CNTNAP2: variants seen among roughly 807,000 people sequenced by gnomAD.
CNTNAP2 encodes contactin-associated protein-like 2.
Under a neutral mutation model 155.2 loss-of-function variants are expected in CNTNAP2, and 98 were observed. That is an observed-to-expected ratio of 0.63 (90% CI 0.54 to 0.75). The LOEUF (loss-of-function observed/expected upper bound fraction) is 0.75. CNTNAP2 is among the 30% of genes least tolerant of loss of function. The pLI, the probability that CNTNAP2 is intolerant of heterozygous loss-of-function variation, is 0.00. For missense variants in CNTNAP2, 1,727 were observed against 1,688.1 expected (o/e 1.02, Z -0.40); for synonymous variants, 651 against 631.2 (o/e 1.03, Z -0.47).
intron 9 of CNTNAP2, among the ~76,000 whole-genome samples, chr7:147,380,399 C>A (rs1796515941): frequency 6.6e-6 from 1 of 152,016 alleles, no homozygotes; most frequent in Admixed American, 6.6e-5. Context: ...GTAAAACCAT[C>A]TTATTTATAC....
At chr7:146,316,498 A>G (rs1193911459) in intron 1 of CNTNAP2, among the ~76,000 whole-genome samples, 1 of 152,086 alleles carries the variant, frequency 6.6e-6, no homozygotes, top group Admixed American at 6.6e-5. Context: ...AAAAGACTTA[A>G]ACCAAAACAT....
intron 11 of CNTNAP2, among the ~76,000 whole-genome samples, chr7:147,544,487 A>G (rs1022282138): frequency 6.6e-6 from 1 of 152,140 alleles, no homozygotes; most frequent in Non-Finnish European, 1.5e-5. Context: ...TCTGGCAAAA[A>G]TGAAAATTGT....
intron 15 of CNTNAP2, among the ~76,000 whole-genome samples, chr7:148,078,095 G>A (rs577990238): frequency 2.4e-4 from 36 of 151,466 alleles, no homozygotes; most frequent in African/African-American, 8.7e-4. Flanking sequence ...ACAGAATCTT[G>A]CTCTGTCACC....
chr7:147,126,080 C>T (rs777341392), intron 6 of CNTNAP2, among the ~76,000 whole-genome samples: 2 of 152,126 alleles, frequency 1.3e-5, no homozygotes. Context: ...TTCTTAGAAT[C>T]GCATACAGCC....
At chr7:146,682,646 C>T (rs1259179225) in intron 1 of CNTNAP2, among the ~76,000 whole-genome samples, 3 of 152,056 alleles carry the variant, frequency 2.0e-5, no homozygotes, top group African/African-American at 7.2e-5. Flanking sequence ...AGCAAAAGAT[C>T]TAATGTAACT....
At chr7:148,192,574 C>T (rs1795217167) in intron 18 of CNTNAP2, among the ~76,000 whole-genome samples, 2 of 151,612 alleles carry the variant, frequency 1.3e-5, no homozygotes, top group African/African-American at 4.8e-5. Flanking sequence ...TGCAGTGAGC[C>T]GAGATCACGC....
At chr7:148,136,158 GAAAT>G (rs1221367745) in intron 16 of CNTNAP2, among the ~76,000 whole-genome samples, 1 of 151,374 alleles carries the variant, frequency 6.6e-6, no homozygotes, top group Non-Finnish European at 1.5e-5. Context: ...AGGAAGGAAA[GAAAT>G]AAACAAACAA....
At chr7:148,327,284 G>A (rs913174274) in intron 21 of CNTNAP2, among the ~76,000 whole-genome samples, 6 of 152,134 alleles carry the variant, frequency 3.9e-5, no homozygotes, top group Admixed American at 6.5e-5. Flanking sequence ...GTGTAGCTCC[G>A]ACATGATGTA....
chr7:147,451,392 C>T (rs1400119906), intron 10 of CNTNAP2, among the ~76,000 whole-genome samples: 1 of 152,062 alleles, frequency 6.6e-6, no homozygotes, highest in Non-Finnish European at 1.5e-5. Flanking sequence ...CTTAAGGAAC[C>T]AAATTTGCAC....
chr7:146,922,405 CAA>C (rs1243943749), intron 3 of CNTNAP2, among the ~76,000 whole-genome samples: 1 of 151,920 alleles, frequency 6.6e-6, no homozygotes, highest in Non-Finnish European at 1.5e-5. Flanking sequence ...ATATACAATA[CAA>C]AAAAGTCCCC....
In CNTNAP2 at chr7:146,339,924, A is replaced by G. The variant is rs191643519; in HGVS notation, c.97+222951A>G. 1.8e-3 allele frequency among the ~76,000 whole-genome samples: 267 copies of G among 152,250 alleles called. 1 individual carries two copies. Among genetic ancestry groups the G allele is most frequent in the Non-Finnish European group, 3.2e-3 (216 of 68,024 alleles). On this transcript the variant is annotated intron_variant, in intron 1 of 23. Coordinates refer to ENST00000361727, the MANE Select transcript of CNTNAP2 (RefSeq NM_014141.6). Reference sequence around the variant, plus strand: ...GGTGGCTCACGCCTCTAATGCCAGCACTTTGGGAGGCCGAGGCGGGCGGAT... The same window carrying G: ...GGTGGCTCACGCCTCTAATGCCAGCGCTTTGGGAGGCCGAGGCGGGCGGAT...
chr7:146,136,625 G>T (rs988224651), intron 1 of CNTNAP2, among the ~76,000 whole-genome samples: 1 of 151,866 alleles, frequency 6.6e-6, no homozygotes. Context: ...GAAGCTCAGC[G>T]TTGGTGTGAT....
intron 17 of CNTNAP2, among the ~76,000 whole-genome samples, chr7:148,157,917 T>C (rs1805435671): frequency 6.6e-6 from 1 of 152,140 alleles, no homozygotes; most frequent in African/African-American, 2.4e-5. Flanking sequence ...AAATAAAATA[T>C]AGAAGCTCCT....
At chr7:147,556,473 G>A (rs1799954171) in intron 11 of CNTNAP2, among the ~76,000 whole-genome samples, 1 of 152,044 alleles carries the variant, frequency 6.6e-6, no homozygotes, top group African/African-American at 2.4e-5. Flanking sequence ...CTTGATTTGA[G>A]GAGATTATCC....
chr7:147,639,573 G>A (rs1213877987), intron 13 of CNTNAP2, among the ~76,000 whole-genome samples: 1 of 152,218 alleles, frequency 6.6e-6, no homozygotes, highest in African/African-American at 2.4e-5. Flanking sequence ...TTAACTGTCA[G>A]TAGTGGCTGT....
At chr7:147,850,581 C>T (rs201431302) in intron 13 of CNTNAP2, among the ~76,000 whole-genome samples, 2 of 152,126 alleles carry the variant, frequency 1.3e-5, no homozygotes, top group Non-Finnish European at 2.9e-5. Context: ...GATATATAGA[C>T]CAATGGAACA....
At chr7:147,049,748 C>T (rs1057025097) in intron 4 of CNTNAP2, among the ~76,000 whole-genome samples, 2 of 152,112 alleles carry the variant, frequency 1.3e-5, no homozygotes, top group African/African-American at 2.4e-5. Context: ...TCTTTCACTG[C>T]AAAGTTTGCC....
intron 1 of CNTNAP2, among the ~76,000 whole-genome samples, chr7:146,428,074 G>A (rs112132759): frequency 0.027 from 4,105 of 152,196 alleles, 89 homozygotes; most frequent in Middle Eastern, 0.061. Context: ...ACATAGTCTC[G>A]TTCCTTGTTA....
chr7:147,232,220 A>G (rs1324048982), intron 8 of CNTNAP2, among the ~76,000 whole-genome samples: 1 of 152,246 alleles, frequency 6.6e-6, no homozygotes, highest in African/African-American at 2.4e-5. Flanking sequence ...ATGGATTGGA[A>G]GAATCAATAT....
Sources: allele counts gnomAD v4.1 joint callset (sites outside exome capture counted in the v4.1 genomes callset), GRCh38; gene constraint gnomAD v4.1.1; transcripts MANE v1.5; gene names NCBI Gene and HGNC (gene_info 2026-07-23, HGNC 2026-07-21).